PCNT: variants seen among roughly 807,000 people sequenced by gnomAD.
The protein encoded by PCNT is kendrin.
Under a neutral mutation model 380.4 loss-of-function variants are expected in PCNT, and 319 were observed. That is an observed-to-expected ratio of 0.84 (90% CI 0.77 to 0.92). PCNT has a LOEUF of 0.92. PCNT is among the 40% of genes least tolerant of loss of function. The probability of loss-of-function intolerance (pLI) is 0.00; values close to 1 mark genes in which losing one functional copy is unlikely to be tolerated. For synonymous variants in PCNT, 1,845 were observed against 1,735.2 expected (o/e 1.06, Z -1.57); for missense variants, 4,400 against 4,255.3 (o/e 1.03, Z -0.95).
intron 29 of PCNT, among the ~76,000 whole-genome samples, chr21:46,415,108 G>A (rs973577135): frequency 3.3e-5 from 5 of 152,228 alleles, no homozygotes; most frequent in African/African-American, 7.2e-5. Context: ...TCGCTGGGAC[G>A]TTTCTTGCAT....
In PCNT at chr21:46,412,848, G is replaced by C. The variant is rs1193243413; in HGVS notation, c.6006G>C (p.Gln2002His). 6.2e-7 allele frequency: 1 copy of C among 1,611,808 alleles called. No homozygotes were observed. The stretch of plus-strand genomic sequence containing the variant: ...TCTCCTCTGTCAAGGGTGATCTGCA[G>C]CCTGTCCTGGTGACGTTGAAGGATG... ...PVVPDPQGDL[Q>H]PVLVTLKDAP... The change falls in exon 29 of 47, where the codon CAG becomes CAC. Residue 2002 changes from glutamine to histidine, a missense_variant. Gln to His is a conservative substitution (Grantham distance 24, BLOSUM62 0). Transcript: ENST00000359568.
At chr21:46,441,637 C>T (rs1027186493) in intron 43 of PCNT, among the ~76,000 whole-genome samples, 1 of 152,156 alleles carries the variant, frequency 6.6e-6, no homozygotes, top group African/African-American at 2.4e-5. Flanking sequence ...GTCTCCTCGT[C>T]TCTGAGCTCC....
At chr21:46,347,576 C>T in intron 6 of PCNT, 64 bp downstream of exon 6, 1 of 1,451,414 alleles carries the variant, frequency 6.9e-7, no homozygotes, top group Non-Finnish European at 9.7e-7. Context: ...CTCGCCAGGT[C>T]CCATGAGAAC....
At chr21:46,358,150 G>A (rs952517394) in intron 13 of PCNT, among the ~76,000 whole-genome samples, 2 of 151,606 alleles carry the variant, frequency 1.3e-5, no homozygotes, top group African/African-American at 2.4e-5. Context: ...CGTCCCATGC[G>A]GGAGCAGTGG....
At chr21:46,386,570 C>T (rs1344816284) in intron 17 of PCNT, among the ~76,000 whole-genome samples, 1 of 152,236 alleles carries the variant, frequency 6.6e-6, no homozygotes, top group Admixed American at 6.5e-5. Flanking sequence ...TACCACGGGC[C>T]GTGGGGCCGC....
chr21:46,385,693 G>C (rs1569233641), intron 16 of PCNT, 139 bp from the exon 17 acceptor site: 10 of 905,828 alleles, frequency 1.1e-5, no homozygotes, highest in Non-Finnish European at 1.8e-5. Context: ...CGAAGTGCCT[G>C]CTCCTTTTGC....
At chr21:46,413,342 C>G in intron 29 of PCNT, among the ~76,000 whole-genome samples, 1 of 34,890 alleles carries the variant, frequency 2.9e-5, no homozygotes, top group Admixed American at 2.6e-4. Context: ...GCTGGACACG[C>G]GGCAGCAAGG....
chr21:46,372,797 A>G (rs886945716), intron 15 of PCNT, among the ~76,000 whole-genome samples: 5 of 152,150 alleles, frequency 3.3e-5, no homozygotes, highest in African/African-American at 1.2e-4. Flanking sequence ...CAGTGTGGAC[A>G]CTGGCCCCTC....
At chr21:46,415,298 T>C (rs1010547825) in intron 29 of PCNT, among the ~76,000 whole-genome samples, 3 of 151,328 alleles carry the variant, frequency 2.0e-5, no homozygotes, top group African/African-American at 2.4e-5. Flanking sequence ...ACATCCTGTG[T>C]GGAGAGCCCT....
chr21:46,357,143 G>C lies in PCNT; in HGVS notation c.2106G>C (p.Leu702Phe), dbSNP rs748082784. The change falls in exon 13 of 47, where the codon TTG becomes TTC. Residue 702 changes from leucine (L) to phenylalanine (F), a missense_variant. Physicochemically the swap from Leu to Phe is conservative, Grantham distance 22. Coordinates refer to ENST00000359568, the MANE Select transcript of PCNT (RefSeq NM_006031.6). ...IELLKIENRN[L>F]YGKLQHETRL... Reference sequence around the variant, plus strand: ...TCCTAAAAATAGAAAATAGAAATTTGTATGGGAAGTTGCAGCATGAAACTC... The same window carrying C: ...TCCTAAAAATAGAAAATAGAAATTTCTATGGGAAGTTGCAGCATGAAACTC... 3.7e-6 allele frequency: 6 copies of C among 1,614,120 alleles called. No individual in the cohort carries two copies. In the South Asian group the frequency reaches 6.6e-5, roughly 18 times the overall value.
In PCNT at chr21:46,412,053, G is replaced by A. The variant is rs1289871924; in HGVS notation, c.5980G>A (p.Val1994Ile). 1 of 1,607,362 alleles carries A rather than the reference G, an allele frequency of 6.2e-7. No individual in the cohort carries two copies. Among genetic ancestry groups the A allele is most frequent in the Non-Finnish European group, 8.5e-7 (1 of 1,179,806 alleles). The change falls in exon 28 of 47, where the codon GTC (valine) becomes ATC (isoleucine). Residue 1994 changes from valine (V) to isoleucine (I), a missense_variant. Transcript: ENST00000359568. Reference protein sequence around the residue: ...ASHDAALEPVVPDPQGDLQPV... With the variant: ...ASHDAALEPVIPDPQGDLQPV... ...CCATGATGCTGCTTTGGAGCCGGTT[G>A]TCCCTGACCCACAGGTGGGCTCCCC...
At chr21:46,395,626 A>G (rs9982154) in intron 21 of PCNT, among the ~76,000 whole-genome samples, 10 of 146,176 alleles carry the variant, frequency 6.8e-5, no homozygotes, top group East Asian at 2.1e-4. Flanking sequence ...GGACTCAGCA[A>G]CAGAGACTCC....
At chr21:46,394,493 C>G (rs1034664708) in intron 21 of PCNT, 2 of 984,528 alleles carry the variant, frequency 2.0e-6, no homozygotes, top group African/African-American at 3.5e-5. Flanking sequence ...AACGCAAACT[C>G]TTGTTCATAG....
chr21:46,428,476 G>C lies in PCNT; in HGVS notation c.7576G>C (p.Ala2526Pro), dbSNP rs200503397. The C allele has an allele frequency of 6.2e-7, 1 of 1,612,348 alleles. No individual in the cohort carries two copies. Among genetic ancestry groups the C allele is most frequent in the East Asian group, 2.2e-5 (1 of 44,884 alleles). The change falls in exon 35 of 47, where the codon GCC becomes CCC. Residue 2526 changes from alanine to proline, a missense_variant. Coordinates refer to ENST00000359568, the MANE Select transcript of PCNT (RefSeq NM_006031.6). The stretch of plus-strand genomic sequence containing the variant: ...GCTGTCCGAGATCCAGGCGCTGCGT[G>C]CCCAGCTGCGCATGACGCACCTGCA... ...SLLSEIQALR[A>P]QLRMTHLQNQ...
chr21:46,401,111 A>G (rs1334050879), intron 25 of PCNT, among the ~76,000 whole-genome samples: 1 of 152,070 alleles, frequency 6.6e-6, no homozygotes, highest in Non-Finnish European at 1.5e-5. Flanking sequence ...ATGCAATTTT[A>G]TATGTCATGC....
chr21:46,442,368 C>T, intron 43 of PCNT, 129 bp from the exon 44 acceptor site: 1 of 708,576 alleles, frequency 1.4e-6, no homozygotes. Context: ...ACTGGCCGAC[C>T]TTGGCGTCCT....
intron 42 of PCNT, 77 bp downstream of exon 42, chr21:46,440,279 T>C (rs987142288): frequency 1.3e-6 from 2 of 1,518,614 alleles, no homozygotes; most frequent in African/African-American, 2.7e-5. Context: ...CAAAGCATTT[T>C]TGTGACCACA....
chr21:46,366,969 GAAC>G lies in PCNT; in HGVS notation c.2999_3001del (p.Gln1000del). 6.2e-7 allele frequency: 1 copy of G among 1,614,232 alleles called. No individual in the cohort carries two copies. ...AGAGCTCTTACGAGCAGACTTTGAG[GAAC>G]AACTGTGGAAAAAGGACTCTCTTCA... On this transcript the variant is annotated inframe_deletion, in exon 15 of 47. Transcript: ENST00000359568.
intron 3 of PCNT, among the ~76,000 whole-genome samples, chr21:46,335,788 C>A (rs1451221582): frequency 1.3e-5 from 2 of 149,376 alleles, no homozygotes; most frequent in Non-Finnish European, 3.0e-5. Context: ...TGGGTTCAAG[C>A]GATTCTCCTG....
Sources: allele counts gnomAD v4.1 joint callset (sites outside exome capture counted in the v4.1 genomes callset), GRCh38; gene constraint gnomAD v4.1.1; transcripts MANE v1.5; gene names NCBI Gene and HGNC (gene_info 2026-07-23, HGNC 2026-07-21).